Variants in POFUT3 observed in about 807,000 individuals in gnomAD.
POFUT3 encodes protein O-fucosyltransferase 3.
chr8:33,404,045 T>G, the POFUT3 span, among the ~76,000 whole-genome samples: 1 of 151,442 alleles, frequency 6.6e-6, no homozygotes, highest in East Asian at 1.9e-4. Context: ...GGTAAGAAAA[T>G]GAAGGTTCCA....
the POFUT3 span, among the ~76,000 whole-genome samples, chr8:33,432,384 G>A: frequency 6.7e-6 from 1 of 149,266 alleles, no homozygotes; most frequent in East Asian, 2.0e-4. Flanking sequence ...TCCAACCTGG[G>A]CAATAAAAGC....
At chr8:33,315,214 G>C in the POFUT3 span, among the ~76,000 whole-genome samples, 1 of 152,130 alleles carries the variant, frequency 6.6e-6, no homozygotes, top group Non-Finnish European at 1.5e-5. Context: ...CACTCAAAAT[G>C]AATTTGTGTC....
the POFUT3 span, among the ~76,000 whole-genome samples, chr8:33,425,624 C>T: frequency 6.6e-6 from 1 of 151,978 alleles, no homozygotes; most frequent in Non-Finnish European, 1.5e-5. Context: ...GAAGGAGCCG[C>T]AAAAGGGGCT....
chr8:33,340,599 A>G, the POFUT3 span, among the ~76,000 whole-genome samples: 1 of 152,162 alleles, frequency 6.6e-6, no homozygotes, highest in African/African-American at 2.4e-5. Context: ...AAAAAAAGAT[A>G]TATCATTTAA....
the POFUT3 span, among the ~76,000 whole-genome samples, chr8:33,399,896 C>T: frequency 6.6e-5 from 10 of 151,896 alleles, no homozygotes; most frequent in East Asian, 3.9e-4. Context: ...TCAGGCGATC[C>T]GCCCATCTCG....
At chr8:33,365,647 A>G in the POFUT3 span, among the ~76,000 whole-genome samples, 4 of 152,262 alleles carry the variant, frequency 2.6e-5, no homozygotes, top group African/African-American at 7.2e-5. Flanking sequence ...CAACAGACAC[A>G]TGAAAAAATG....
At chr8:33,318,586 T>C in the POFUT3 span, among the ~76,000 whole-genome samples, 1 of 70,246 alleles carries the variant, frequency 1.4e-5, no homozygotes, top group Admixed American at 2.2e-4. Context: ...ATATTGTATA[T>C]ATATTTATAT....
chr8:33,376,796 T>C, the POFUT3 span, among the ~76,000 whole-genome samples: 4 of 152,138 alleles, frequency 2.6e-5, no homozygotes, highest in Non-Finnish European at 4.4e-5. Flanking sequence ...AGAGACTGGA[T>C]TTGAAGCAAG....
At chr8:33,347,140 C>T in the POFUT3 span, among the ~76,000 whole-genome samples, 4 of 152,102 alleles carry the variant, frequency 2.6e-5, no homozygotes, top group East Asian at 1.9e-4. Context: ...ACAAGAGAAC[C>T]GCTCCAGGTT....
the POFUT3 span, among the ~76,000 whole-genome samples, chr8:33,401,975 G>A: frequency 2.0e-5 from 3 of 151,880 alleles, no homozygotes; most frequent in Non-Finnish European, 4.4e-5. Context: ...TCAGTGAGCC[G>A]AGATCACGCC....
the POFUT3 span, among the ~76,000 whole-genome samples, chr8:33,396,020 G>A: frequency 6.6e-6 from 1 of 152,136 alleles, no homozygotes; most frequent in Non-Finnish European, 1.5e-5. Flanking sequence ...TAGCACTCCT[G>A]ACTGTGATAA....
At chr8:33,392,981 AAAAAC>A in the POFUT3 span, among the ~76,000 whole-genome samples, 1 of 152,070 alleles carries the variant, frequency 6.6e-6, no homozygotes, top group Non-Finnish European at 1.5e-5. Flanking sequence ...ACTCTGTCTC[AAAAAC>A]AAAACAAAAC....
At chr8:33,343,917 A>G in the POFUT3 span, among the ~76,000 whole-genome samples, 2 of 152,194 alleles carry the variant, frequency 1.3e-5, no homozygotes, top group African/African-American at 4.8e-5. Flanking sequence ...GAGACATAAT[A>G]TGGGGTGTTA....
the POFUT3 span, among the ~76,000 whole-genome samples, chr8:33,354,039 C>T: frequency 6.6e-6 from 1 of 152,148 alleles, no homozygotes; most frequent in Non-Finnish European, 1.5e-5. Flanking sequence ...ATTATCCATA[C>T]AGCTCTGTTA....
the POFUT3 span, among the ~76,000 whole-genome samples, chr8:33,380,061 T>C: frequency 4.7e-5 from 3 of 63,646 alleles, no homozygotes; most frequent in African/African-American, 9.5e-5. Context: ...ACTATATATA[T>C]ACACTATATA....
chr8:33,332,179 G>A, the POFUT3 span, among the ~76,000 whole-genome samples: 1 of 140,574 alleles, frequency 7.1e-6, no homozygotes, highest in African/African-American at 2.6e-5. Context: ...GGAGGAGGAG[G>A]AGGAAAAAAA....
At chr8:33,396,146 C>T in the POFUT3 span, among the ~76,000 whole-genome samples, 25 of 152,184 alleles carry the variant, frequency 1.6e-4, no homozygotes, top group Non-Finnish European at 3.1e-4. Context: ...AGTTCTTGCC[C>T]GGTTAACTCA....
chr8:33,356,585 G>A, the POFUT3 span, among the ~76,000 whole-genome samples: 3 of 152,130 alleles, frequency 2.0e-5, no homozygotes, highest in African/African-American at 2.4e-5. Flanking sequence ...TCTGTCAGAT[G>A]AGTAGGTTGC....
the POFUT3 span, among the ~76,000 whole-genome samples, chr8:33,403,251 G>A: frequency 2.0e-5 from 3 of 148,938 alleles, no homozygotes; most frequent in Admixed American, 6.7e-5. Context: ...CCATATGTGT[G>A]CATGTTTGTA....
Sources: gnomAD v4.1 joint callset for allele counts (sites outside exome capture counted in the v4.1 genomes callset) on GRCh38, gnomAD v4.1.1 for gene constraint, MANE v1.5 for transcripts, NCBI Gene and HGNC (gene_info 2026-07-23, HGNC 2026-07-21) for gene names.